TMEM255A: variants seen among roughly 807,000 people sequenced by gnomAD.
TMEM255A encodes transmembrane protein 255A.
A neutral mutation model predicts 23.5 loss-of-function variants in TMEM255A; 14 were observed. The observed-to-expected ratio is 0.60, with a 90% confidence interval of 0.39 to 0.93. TMEM255A has a LOEUF of 0.93. Ranked by LOEUF, TMEM255A falls within the 40% of genes least tolerant of loss-of-function variation. The pLI is 0.00. For synonymous variants in TMEM255A, 104 were observed against 100.3 expected (o/e 1.04, Z -0.22); for missense variants, 233 against 261.7 (o/e 0.89, Z 0.76).
At chrX:120,287,933 G>A (rs899923391) in intron 4 of TMEM255A, among the ~76,000 whole-genome samples, 1 of 111,586 alleles carries the variant, frequency 9.0e-6, no homozygotes, top group Admixed American at 9.4e-5. Context: ...TCATGCATGG[G>A]GGTTGGGGTA....
chrX:120,266,409 G>A (rs908658662), intron 8 of TMEM255A, among the ~76,000 whole-genome samples: 6 of 109,181 alleles, frequency 5.5e-5, no homozygotes, highest in Admixed American at 9.8e-5. Context: ...GGCTCAATGC[G>A]TGGCACATGG....
chrX:120,287,453 T>A lies in TMEM255A; in HGVS notation c.355-231A>T, dbSNP rs189879222. Among the ~76,000 whole-genome samples, 136 of 111,758 alleles carry A rather than the reference T, an allele frequency of 1.2e-3. No individual in the cohort carries two copies. In the South Asian group the frequency reaches 0.016, roughly 13 times the overall value. ...ACTTTCTATTAGACTACTTGGTTAA[T>A]GAGAAATTATGAAACTGATTGAGAA... On this transcript the variant is annotated intron_variant, in intron 4 of 8. Coordinates refer to ENST00000371369, the MANE Select transcript of TMEM255A (RefSeq NM_001104544.3).
chrX:120,271,243 C>T (rs2057758605), intron 7 of TMEM255A, among the ~76,000 whole-genome samples: 1 of 112,034 alleles, frequency 8.9e-6, no homozygotes, highest in South Asian at 3.8e-4. Context: ...CCAGAAAGGG[C>T]TACCCAAATG....
chrX:120,309,357 C>A (rs782166221), intron 1 of TMEM255A, among the ~76,000 whole-genome samples: 3 of 113,274 alleles, frequency 2.6e-5, no homozygotes, highest in South Asian at 7.2e-4. Context: ...CACAAGATCG[C>A]TGAGGGCCCC....
Position 120,259,511 on chromosome X carries a change from T to G in TMEM255A, c.*1359A>C, listed in dbSNP as rs1348120329. ...CAAAATTGGCCGGAAAATTTTCCAGTGTGTGTTCTGTGTTTGGAGAACTGT... is the reference window on the plus strand; with the variant it reads ...CAAAATTGGCCGGAAAATTTTCCAGGGTGTGTTCTGTGTTTGGAGAACTGT... On this transcript the variant is annotated 3_prime_UTR_variant, in exon 9 of 9. Transcript: ENST00000371369. The G allele has an allele frequency of 8.9e-6, 1 of 111,819 alleles. No individual in the cohort carries two copies. Among genetic ancestry groups the G allele is most frequent in the Non-Finnish European group, 1.9e-5 (1 of 53,101 alleles). 9.2% of individuals were successfully genotyped at this position (111,819 alleles called of 1,213,427 possible).
rs782719930 is a variant in TMEM255A, at chrX:120,278,306, C to A, written c.513-1259G>T. Among the ~76,000 whole-genome samples the A allele has an allele frequency of 6.2e-5, 7 of 112,263 alleles. No homozygotes were observed. The East Asian group carries it at 2.0e-3, about 31-fold the overall frequency. ...CCTCCAGAAATGAGAGAAATAAGTA[C>A]ATTTCTATTGTTTAAGCCACCTGGT... On this transcript the variant is annotated intron_variant, in intron 6 of 8. Transcript: ENST00000371369.
At chrX:120,280,515 C>T (rs2057830395) in intron 6 of TMEM255A, among the ~76,000 whole-genome samples, 1 of 109,014 alleles carries the variant, frequency 9.2e-6, no homozygotes, top group South Asian at 4.0e-4. Context: ...GCTTGAGATT[C>T]AGGATTCCAT....
chrX:120,288,337 G>C (rs1319807853), intron 4 of TMEM255A, among the ~76,000 whole-genome samples: 4 of 112,107 alleles, frequency 3.6e-5, no homozygotes, highest in Non-Finnish European at 7.5e-5. Context: ...TCAATGTTCT[G>C]AAAGTACCTT....
At chrX:120,308,164 G>A (rs2058076301) in intron 1 of TMEM255A, among the ~76,000 whole-genome samples, 1 of 111,741 alleles carries the variant, frequency 8.9e-6, no homozygotes, top group Non-Finnish European at 1.9e-5. Flanking sequence ...TACTCAATAA[G>A]TATATTAATT....
intron 2 of TMEM255A, among the ~76,000 whole-genome samples, chrX:120,300,554 ATTTTT>A (rs368966488): frequency 6.2e-4 from 46 of 74,204 alleles, no homozygotes; most frequent in African/African-American, 1.8e-3. Context: ...GGCCAGGCTA[ATTTTT>A]TTTTTTTTTT....
At chrX:120,283,668 A>G (rs977425850) in intron 6 of TMEM255A, among the ~76,000 whole-genome samples, 17 of 111,657 alleles carry the variant, frequency 1.5e-4, no homozygotes, top group African/African-American at 4.9e-4. Flanking sequence ...TGTGCACATC[A>G]CCTACTCACA....
chrX:120,304,572 TTTCC>T, intron 1 of TMEM255A, 81 bp from the exon 2 acceptor site: 1 of 1,058,704 alleles, frequency 9.4e-7, no homozygotes, highest in Admixed American at 2.4e-5. Flanking sequence ...CTAAGAAGGT[TTTCC>T]TTTCCTATTC....
intron 8 of TMEM255A, among the ~76,000 whole-genome samples, chrX:120,263,594 C>T (rs572421378): frequency 6.5e-4 from 73 of 111,922 alleles, no homozygotes; most frequent in Middle Eastern, 4.6e-3. Context: ...AGCCCAGGAA[C>T]TGGCTGGTGA....
chrX:120,254,225 T>A (rs782354748), downstream of TMEM255A: 4 of 1,212,125 alleles, frequency 3.3e-6, no homozygotes, highest in Admixed American at 8.7e-5. Flanking sequence ...TGTTGGTATC[T>A]TCAGCTCCAA....
chrX:120,309,313 A>C (rs940312502), intron 1 of TMEM255A, among the ~76,000 whole-genome samples: 23 of 113,044 alleles, frequency 2.0e-4, no homozygotes, highest in African/African-American at 7.1e-4. Context: ...GGCGAAGCCC[A>C]CTCAGCTGTT....
chrX:120,299,123 T>C (rs1321416937), intron 2 of TMEM255A, among the ~76,000 whole-genome samples: 1 of 111,500 alleles, frequency 9.0e-6, no homozygotes, highest in Admixed American at 9.5e-5. Flanking sequence ...ATAAAAGTCT[T>C]ATCCAGCAAA....
At chrX:120,291,139 C>T (rs1311695770) in intron 4 of TMEM255A, 112 bp downstream of exon 4, 1 of 607,763 alleles carries the variant, frequency 1.6e-6, no homozygotes, top group Non-Finnish European at 2.7e-6. Flanking sequence ...GTGTCTTCTC[C>T]CTCTCATGTA....
chrX:120,301,094 G>A (rs1465503529), intron 2 of TMEM255A, among the ~76,000 whole-genome samples: 3 of 111,049 alleles, frequency 2.7e-5, no homozygotes, highest in Non-Finnish European at 5.7e-5. Flanking sequence ...GCATGTGTGC[G>A]TATGTCTCTT....
At chrX:120,282,210 GA>G (rs1391464882) in intron 6 of TMEM255A, among the ~76,000 whole-genome samples, 1 of 111,786 alleles carries the variant, frequency 8.9e-6, no homozygotes, top group Non-Finnish European at 1.9e-5. Context: ...CCCAGGTCAA[GA>G]AAAAACATTT....
Sources: gnomAD v4.1 joint callset for allele counts (sites outside exome capture counted in the v4.1 genomes callset) on GRCh38, gnomAD v4.1.1 for gene constraint, MANE v1.5 for transcripts, NCBI Gene and HGNC (gene_info 2026-07-23, HGNC 2026-07-21) for gene names.